Variants in BORCS5 observed in about 807,000 individuals in gnomAD.
The protein encoded by BORCS5 is BLOC-1 related complex subunit 5.
Under a neutral mutation model 22.1 loss-of-function variants are expected in BORCS5, and 17 were observed. The ratio of observed to expected loss-of-function variants is 0.77; its 90% confidence interval spans 0.53 to 1.15. BORCS5 has a LOEUF of 1.15. Among genes scored for constraint, BORCS5 ranks in the 50% most tolerant of loss-of-function variants. BORCS5 has a pLI of 0.00. For missense variants in BORCS5, 247 were observed against 253.2 expected, an observed-to-expected ratio of 0.98 and a Z score of 0.17; for synonymous variants, 117 against 99.8, an observed-to-expected ratio of 1.17 and a Z score of -1.03.
chr12:12,417,026 A>G (rs1225274906), intron 2 of BORCS5, among the ~76,000 whole-genome samples: 3 of 151,678 alleles, frequency 2.0e-5, no homozygotes. Flanking sequence ...CTTGACCTCA[A>G]GTGATCCACC....
At chr12:12,403,175 A>G (rs1217723669) in intron 2 of BORCS5, among the ~76,000 whole-genome samples, 1 of 151,990 alleles carries the variant, frequency 6.6e-6, no homozygotes, top group African/African-American at 2.4e-5. Context: ...AGGCTCAGAG[A>G]GATGAAAGAC....
Position 12,444,891 on chromosome 12 carries a change from G to A in BORCS5, c.360+9106G>A, listed in dbSNP as rs183668505. On this transcript the variant is annotated intron_variant, in intron 3 of 3. Transcript: ENST00000314565. Reference sequence around the variant, plus strand: ...AGCCACATTGGAAGAATTGTCTTGGGCCACACATAAACATATTAATGCTGA... The same window carrying A: ...AGCCACATTGGAAGAATTGTCTTGGACCACACATAAACATATTAATGCTGA... Among the ~76,000 whole-genome samples the A allele has an allele frequency of 1.4e-3, 206 of 152,284 alleles. 1 individual carries two copies. Among genetic ancestry groups the A allele is most frequent in the Non-Finnish European group, 9.1e-4 (62 of 68,036 alleles).
At chr12:12,410,888 G>A (rs980904406) in intron 2 of BORCS5, among the ~76,000 whole-genome samples, 3 of 150,442 alleles carry the variant, frequency 2.0e-5, no homozygotes, top group East Asian at 1.9e-4. Context: ...TTGTTTGTGT[G>A]TTCTTTTATT....
chr12:12,465,945 T>C lies in BORCS5; in HGVS notation c.*169T>C. The C allele has an allele frequency of 1.7e-6, 1 of 598,124 alleles. No individual in the cohort carries two copies. Among genetic ancestry groups the C allele is most frequent in the South Asian group, 2.1e-5 (1 of 48,372 alleles). The allele number at this position is 598,124 out of a possible 1,614,324, so 37.1% of individuals were successfully genotyped here. On this transcript the variant is annotated 3_prime_UTR_variant, in exon 4 of 4. Transcript: ENST00000314565. ...AAAATCTGACTTTGCCCAGCTCTTTTCCTTGATGCAGTTTCCCGGTGTGGA... is the reference window on the plus strand; with the variant it reads ...AAAATCTGACTTTGCCCAGCTCTTTCCCTTGATGCAGTTTCCCGGTGTGGA...
chr12:12,382,025 C>T (rs1863784674), intron 2 of BORCS5, among the ~76,000 whole-genome samples: 1 of 151,398 alleles, frequency 6.6e-6, no homozygotes, highest in Non-Finnish European at 1.5e-5. Context: ...AAACACCGTT[C>T]TCTAATATTA....
At chr12:12,439,922 G>T (rs762256525) in intron 3 of BORCS5, among the ~76,000 whole-genome samples, 4 of 152,188 alleles carry the variant, frequency 2.6e-5, no homozygotes, top group Non-Finnish European at 5.9e-5. Context: ...TAAAGCAGAG[G>T]ATGTCATTTT....
At chr12:12,384,551 T>C (rs980229771) in intron 2 of BORCS5, among the ~76,000 whole-genome samples, 5 of 150,820 alleles carry the variant, frequency 3.3e-5, no homozygotes, top group African/African-American at 1.2e-4. Flanking sequence ...TTAGATAATA[T>C]AGCAGCTGTG....
At chr12:12,357,551 C>A (rs576066081) in intron 1 of BORCS5, 42 bp downstream of exon 1, 2 of 1,578,706 alleles carry the variant, frequency 1.3e-6, no homozygotes, top group Admixed American at 1.7e-5. Flanking sequence ...CCCGCCCTGT[C>A]CCCTTGCAGA....
intron 2 of BORCS5, among the ~76,000 whole-genome samples, chr12:12,371,802 T>G (rs192658489): frequency 6.6e-6 from 1 of 152,324 alleles, no homozygotes; most frequent in African/African-American, 2.4e-5. Flanking sequence ...TTTCAATTTT[T>G]ATTTTTAGTC....
chr12:12,410,232 T>G (rs1039788351), intron 2 of BORCS5, among the ~76,000 whole-genome samples: 8 of 152,202 alleles, frequency 5.3e-5, no homozygotes, highest in African/African-American at 1.4e-4. Flanking sequence ...TGAGTTTAAT[T>G]AGATCCCATT....
intron 3 of BORCS5, among the ~76,000 whole-genome samples, chr12:12,449,378 T>A (rs1444614557): frequency 6.6e-6 from 1 of 152,162 alleles, no homozygotes; most frequent in African/African-American, 2.4e-5. Context: ...AGGCTTTTAT[T>A]TTTACTTGTG....
chr12:12,441,267 C>A (rs2136132971), intron 3 of BORCS5, among the ~76,000 whole-genome samples: 3 of 152,254 alleles, frequency 2.0e-5, no homozygotes. Flanking sequence ...TGAGGCAGGG[C>A]AACTTGTATT....
intron 2 of BORCS5, among the ~76,000 whole-genome samples, chr12:12,402,284 G>C (rs1941498587): frequency 6.6e-6 from 1 of 152,112 alleles, no homozygotes; most frequent in African/African-American, 2.4e-5. Flanking sequence ...GCTGATAAAA[G>C]CAGGGCATCA....
intron 2 of BORCS5, among the ~76,000 whole-genome samples, chr12:12,419,850 G>A (rs1249606647): frequency 1.3e-5 from 2 of 152,110 alleles, no homozygotes; most frequent in Non-Finnish European, 2.9e-5. Context: ...CTTCTTTTGA[G>A]GAGTGTCTGT....
Position 12,361,279 on chromosome 12 carries a change from A to G in BORCS5, c.132A>G (p.Ser44=), listed in dbSNP as rs764545431. 6.2e-7 allele frequency: 1 copy of G among 1,614,162 alleles called. No homozygotes were observed. The highest frequency in any genetic ancestry group is 1.1e-5 in the South Asian group (1 of 91,084). Reference sequence around the variant, plus strand: ...TTGTAGCTCAGGGCTCCCAGGCCTCACGGAACGTCAGCAACGATCCCGATG... The same window carrying G: ...TTGTAGCTCAGGGCTCCCAGGCCTCGCGGAACGTCAGCAACGATCCCGATG... The part of the protein sequence containing the change: ...IVVVAQGSQA[S]RNVSNDPDVI... The change falls in exon 2 of 4, where the codon TCA becomes TCG. Residue 44 remains serine (S), a synonymous_variant. Coordinates refer to ENST00000314565, the MANE Select transcript of BORCS5 (RefSeq NM_058169.6).
intron 1 of BORCS5, among the ~76,000 whole-genome samples, chr12:12,360,344 G>C (rs947019383): frequency 6.6e-6 from 1 of 152,192 alleles, no homozygotes; most frequent in Admixed American, 6.5e-5. Context: ...CCTGGCGACA[G>C]AGCGAGGCTC....
intron 2 of BORCS5, among the ~76,000 whole-genome samples, chr12:12,366,995 T>G (rs1863420272): frequency 6.6e-6 from 1 of 152,168 alleles, no homozygotes; most frequent in Admixed American, 6.5e-5. Flanking sequence ...GAAGTGATAC[T>G]AAGCAGCTTT....
chr12:12,399,341 C>G (rs762067895), intron 2 of BORCS5, among the ~76,000 whole-genome samples: 1 of 152,066 alleles, frequency 6.6e-6, no homozygotes, highest in Non-Finnish European at 1.5e-5. Context: ...GGGTTTCTTA[C>G]GTAGCCCACT....
At chr12:12,401,298 C>G (rs560255944) in intron 2 of BORCS5, among the ~76,000 whole-genome samples, 62 of 152,198 alleles carry the variant, frequency 4.1e-4, no homozygotes, top group Admixed American at 2.9e-3. Flanking sequence ...TCCTGTTGTT[C>G]CACATCCTCA....
Sources: allele counts gnomAD v4.1 joint callset (sites outside exome capture counted in the v4.1 genomes callset), GRCh38; gene constraint gnomAD v4.1.1; transcripts MANE v1.5; gene names NCBI Gene and HGNC (gene_info 2026-07-23, HGNC 2026-07-21).